PABPC4L: variants seen among roughly 807,000 people sequenced by gnomAD.
The protein encoded by PABPC4L is polyadenylate-binding protein 4-like.
For missense variants in PABPC4L, 452 were observed against 451.4 expected (o/e 1.00, Z -0.01); for synonymous variants, 169 against 164.1 (o/e 1.03, Z -0.23).
chr4:134,154,266 G>A, the PABPC4L span, among the ~76,000 whole-genome samples: 1 of 151,968 alleles, frequency 6.6e-6, no homozygotes, highest in Non-Finnish European at 1.5e-5. Flanking sequence ...GATCAGCCTG[G>A]GCAACACGCC....
At chr4:133,967,935 A>G in the PABPC4L span, among the ~76,000 whole-genome samples, 1 of 152,192 alleles carries the variant, frequency 6.6e-6, no homozygotes, top group Admixed American at 6.5e-5. Flanking sequence ...TGGATGTCCC[A>G]ATAGAATACC....
At chr4:134,009,082 T>C in the PABPC4L span, among the ~76,000 whole-genome samples, 2 of 152,014 alleles carry the variant, frequency 1.3e-5, no homozygotes, top group East Asian at 1.9e-4. Context: ...AATGAGATTA[T>C]ATGTACTTGT....
chr4:134,010,087 A>T, the PABPC4L span, among the ~76,000 whole-genome samples: 4 of 152,086 alleles, frequency 2.6e-5, no homozygotes, highest in Non-Finnish European at 5.9e-5. Context: ...TCTGAATTGT[A>T]TTAATGATGG....
At chr4:133,996,645 C>T in the PABPC4L span, among the ~76,000 whole-genome samples, 2 of 152,124 alleles carry the variant, frequency 1.3e-5, no homozygotes, top group African/African-American at 4.8e-5. Context: ...ACACAGGGCA[C>T]CACCTGCCTC....
At chr4:134,081,648 G>A in the PABPC4L span, among the ~76,000 whole-genome samples, 2 of 152,060 alleles carry the variant, frequency 1.3e-5, no homozygotes, top group East Asian at 1.9e-4. Flanking sequence ...ATAGCCAACG[G>A]TACTGGAAGA....
chr4:133,986,167 T>C, the PABPC4L span, among the ~76,000 whole-genome samples: 1 of 152,164 alleles, frequency 6.6e-6, no homozygotes, highest in African/African-American at 2.4e-5. Flanking sequence ...GTCAATATCC[T>C]TCTAGCTTAA....
At chr4:134,078,185 AGC>A in the PABPC4L span, among the ~76,000 whole-genome samples, 1 of 152,198 alleles carries the variant, frequency 6.6e-6, no homozygotes, top group African/African-American at 2.4e-5. Flanking sequence ...TACTATACCA[AGC>A]ACAGAAATTA....
chr4:134,018,006 T>C, the PABPC4L span, among the ~76,000 whole-genome samples: 1 of 152,138 alleles, frequency 6.6e-6, no homozygotes, highest in African/African-American at 2.4e-5. Context: ...TAAGCCATCA[T>C]ATCCCCTGTG....
At chr4:133,968,358 A>G in the PABPC4L span, among the ~76,000 whole-genome samples, 4 of 152,224 alleles carry the variant, frequency 2.6e-5, no homozygotes, top group Non-Finnish European at 5.9e-5. Flanking sequence ...CCCAACAGAC[A>G]TGCTTGTTGA....
At chr4:134,138,797 G>A in the PABPC4L span, among the ~76,000 whole-genome samples, 75 of 151,840 alleles carry the variant, frequency 4.9e-4, no homozygotes, top group East Asian at 2.7e-3. Flanking sequence ...CCTTTGAAGA[G>A]CTGTAACTCT....
chr4:134,016,205 C>T, the PABPC4L span, among the ~76,000 whole-genome samples: 2 of 152,142 alleles, frequency 1.3e-5, no homozygotes, highest in African/African-American at 2.4e-5. Flanking sequence ...CTCTGTCCCC[C>T]TCCACTACCT....
the PABPC4L span, among the ~76,000 whole-genome samples, chr4:134,188,181 TA>T: frequency 8.6e-5 from 13 of 152,004 alleles, no homozygotes; most frequent in Middle Eastern, 3.4e-3. Context: ...CCATGTCCAC[TA>T]ATTAAAAAAA....
At chr4:133,957,448 C>G in the PABPC4L span, among the ~76,000 whole-genome samples, 1 of 152,188 alleles carries the variant, frequency 6.6e-6, no homozygotes, top group South Asian at 2.1e-4. Context: ...CAGCCCCTGC[C>G]TCCTGGCTGC....
chr4:134,078,961 C>T, the PABPC4L span, among the ~76,000 whole-genome samples: 5 of 138,958 alleles, frequency 3.6e-5, no homozygotes, highest in Non-Finnish European at 7.6e-5. Context: ...AGCCACCGTG[C>T]CCGGGCTTTT....
At chr4:134,045,865 T>G in the PABPC4L span, among the ~76,000 whole-genome samples, 4 of 152,308 alleles carry the variant, frequency 2.6e-5, no homozygotes, top group African/African-American at 9.6e-5. Context: ...CTATGTTCTC[T>G]AATACATTCA....
At chr4:133,998,746 T>G in the PABPC4L span, among the ~76,000 whole-genome samples, 1 of 151,978 alleles carries the variant, frequency 6.6e-6, no homozygotes, top group Non-Finnish European at 1.5e-5. Flanking sequence ...GGTTTTTTTT[T>G]TCTAATGTTG....
chr4:134,175,068 T>C, the PABPC4L span, among the ~76,000 whole-genome samples: 2 of 152,150 alleles, frequency 1.3e-5, no homozygotes, highest in Non-Finnish European at 2.9e-5. Context: ...CAGAACAGAA[T>C]TGAGGGAGCA....
chr4:134,074,036 T>C, the PABPC4L span, among the ~76,000 whole-genome samples: 4 of 152,314 alleles, frequency 2.6e-5, no homozygotes, highest in African/African-American at 7.2e-5. Context: ...GTCTTGGTGA[T>C]TAACAATTGA....
the PABPC4L span, among the ~76,000 whole-genome samples, chr4:134,009,294 G>A: frequency 6.6e-6 from 1 of 151,780 alleles, no homozygotes; most frequent in Non-Finnish European, 1.5e-5. Context: ...TTCTTTGATT[G>A]GCACAATACA....
Sources: gnomAD v4.1 joint callset for allele counts (sites outside exome capture counted in the v4.1 genomes callset) on GRCh38, gnomAD v4.1.1 for gene constraint, MANE v1.5 for transcripts, NCBI Gene and HGNC (gene_info 2026-07-23, HGNC 2026-07-21) for gene names.